QKI: variants seen among roughly 807,000 people sequenced by gnomAD.
QKI encodes KH domain-containing RNA-binding protein QKI.
A neutral mutation model predicts 39.0 loss-of-function variants in QKI; 10 were observed. That is an observed-to-expected ratio of 0.26 (90% CI 0.16 to 0.43). The LOEUF (loss-of-function observed/expected upper bound fraction) is 0.43. Ranked by LOEUF, QKI falls within the 20% of genes least tolerant of loss-of-function variation. The pLI is 1.00. For synonymous variants in QKI, 204 were observed against 155.4 expected (o/e 1.31, Z -2.33); for missense variants, 218 against 428.0 (o/e 0.51, Z 4.33).
rs566840499 is a variant in QKI at position 163,446,668 on chromosome 6, G to A, written c.143-8611G>A. Among the ~76,000 whole-genome samples the A allele has an allele frequency of 3.9e-5, 6 of 152,106 alleles. 1 individual carries two copies. Among genetic ancestry groups the A allele is most frequent in the Admixed American group, 1.3e-4 (2 of 15,276 alleles). On this transcript the variant is annotated intron_variant, in intron 1 of 7. Coordinates refer to ENST00000361752, the MANE Select transcript of QKI (RefSeq NM_006775.3). Reference sequence around the variant, plus strand: ...AAATAAATAATAGTTAAATATTAACGTGTAAAAGTAAACAGGTTTAAAAGT... The same window carrying A: ...AAATAAATAATAGTTAAATATTAACATGTAAAAGTAAACAGGTTTAAAAGT...
intron 1 of QKI, among the ~76,000 whole-genome samples, chr6:163,427,243 CT>C (rs11375326): frequency 0.073 from 6,264 of 85,562 alleles, 67 homozygotes; most frequent in African/African-American, 0.091. Flanking sequence ...ATACTCGTAC[CT>C]TTTTTTTTTT....
At chr6:163,464,239 C>T (rs1337862263) in intron 2 of QKI, among the ~76,000 whole-genome samples, 1 of 151,216 alleles carries the variant, frequency 6.6e-6, no homozygotes, top group African/African-American at 2.4e-5. Flanking sequence ...AGTGAAATTA[C>T]ATAGTGATTT....
At chr6:163,468,466 G>A (rs933766407) in intron 2 of QKI, among the ~76,000 whole-genome samples, 1 of 151,996 alleles carries the variant, frequency 6.6e-6, no homozygotes. Context: ...TCTTTAATTA[G>A]GGAATTTTAA....
intron 3 of QKI, among the ~76,000 whole-genome samples, chr6:163,508,318 G>C (rs1779221530): frequency 6.6e-6 from 1 of 152,002 alleles, no homozygotes; most frequent in South Asian, 2.1e-4. Flanking sequence ...ACACAAGGAA[G>C]ACTACACTGA....
At chr6:163,564,295 TAG>T in intron 6 of QKI, 1 of 1,000,286 alleles carries the variant, frequency 1.0e-6, no homozygotes, top group Non-Finnish European at 1.2e-6. Context: ...GTGTACATCA[TAG>T]AGTGTACTTA....
At chr6:163,510,160 G>C (rs1314761960) in intron 3 of QKI, among the ~76,000 whole-genome samples, 1 of 151,380 alleles carries the variant, frequency 6.6e-6, no homozygotes, top group Admixed American at 6.6e-5. Context: ...AGGTTGCAGT[G>C]AGCCAAGATC....
rs1221250274 is a variant in QKI at position 163,575,567 on chromosome 6, A to G, written c.*4857A>G. 6.6e-6 allele frequency: 1 copy of G among 152,184 alleles called. No homozygotes were observed. Among genetic ancestry groups the G allele is most frequent in the Admixed American group, 6.5e-5 (1 of 15,278 alleles). The allele number at this position is 152,184 out of a possible 1,614,324, so 9.4% of individuals were successfully genotyped here. On this transcript the variant is annotated 3_prime_UTR_variant, in exon 8 of 8. Transcript: ENST00000361752. Reference sequence around the variant, plus strand: ...TTTCCTTTAGGCAAAATGTCAGGGAAAACTTAACATGAAAGTAGTTACTCC... The same window carrying G: ...TTTCCTTTAGGCAAAATGTCAGGGAGAACTTAACATGAAAGTAGTTACTCC...
intron 1 of QKI, among the ~76,000 whole-genome samples, chr6:163,426,243 CTTTT>C (rs1301275880): frequency 1.4e-5 from 2 of 138,012 alleles, no homozygotes; most frequent in African/African-American, 2.7e-5. Context: ...AGAACCATCT[CTTTT>C]TTTTTTTTTT....
intron 1 of QKI, among the ~76,000 whole-genome samples, chr6:163,428,384 C>T (rs890009437): frequency 1.3e-5 from 2 of 151,932 alleles, no homozygotes; most frequent in Non-Finnish European, 2.9e-5. Flanking sequence ...CCTGTTTGTA[C>T]GTTTTCTTTG....
intron 3 of QKI, among the ~76,000 whole-genome samples, chr6:163,479,523 C>T (rs775456570): frequency 2.0e-5 from 3 of 152,082 alleles, no homozygotes; most frequent in Non-Finnish European, 2.9e-5. Context: ...AGGCGCACGC[C>T]GCCATGCCCA....
At chr6:163,472,737 G>A (rs1792295202) in intron 2 of QKI, among the ~76,000 whole-genome samples, 1 of 152,120 alleles carries the variant, frequency 6.6e-6, no homozygotes, top group Non-Finnish European at 1.5e-5. Context: ...GAAATTATAT[G>A]TTGAAATGAG....
chr6:163,534,210 C>G (rs1364771711), intron 3 of QKI, among the ~76,000 whole-genome samples: 1 of 152,124 alleles, frequency 6.6e-6, no homozygotes, highest in Non-Finnish European at 1.5e-5. Flanking sequence ...GGGGATATTT[C>G]TTACTAGAAG....
At chr6:163,567,062 G>T in intron 7 of QKI, 1 of 1,085,114 alleles carries the variant, frequency 9.2e-7, no homozygotes, top group Non-Finnish European at 1.1e-6. Flanking sequence ...AGTCAATTTG[G>T]GGAGCTATTA....
chr6:163,563,063 AT>A (rs941003106), intron 5 of QKI, among the ~76,000 whole-genome samples: 1 of 152,226 alleles, frequency 6.6e-6, no homozygotes, highest in African/African-American at 2.4e-5. Context: ...GTTACAAATT[AT>A]TTTTTAACAT....
chr6:163,435,795 T>C (rs1211253670), intron 1 of QKI, among the ~76,000 whole-genome samples: 1 of 152,198 alleles, frequency 6.6e-6, no homozygotes, highest in Non-Finnish European at 1.5e-5. Flanking sequence ...TGTGGGCTTA[T>C]AATTAACACT....
chr6:163,488,368 G>A (rs548963468), intron 3 of QKI, among the ~76,000 whole-genome samples: 1 of 152,132 alleles, frequency 6.6e-6, no homozygotes, highest in Non-Finnish European at 1.5e-5. Context: ...ATAGTGCAGA[G>A]ATTATAGTCT....
intron 4 of QKI, among the ~76,000 whole-genome samples, chr6:163,540,410 A>C (rs1781439437): frequency 6.6e-6 from 1 of 152,164 alleles, no homozygotes; most frequent in Non-Finnish European, 1.5e-5. Context: ...AATTTTGAAG[A>C]TTGTAATATT....
intron 1 of QKI, among the ~76,000 whole-genome samples, chr6:163,450,893 C>T (rs1180552549): frequency 6.6e-6 from 1 of 152,168 alleles, no homozygotes; most frequent in Non-Finnish European, 1.5e-5. Flanking sequence ...AAACTGGTGG[C>T]TCCAGAAGGA....
chr6:163,456,493 TA>T lies in QKI; in HGVS notation c.285+1073del, dbSNP rs1790926869. ...TATGAAAGCAGATGAAAAAAGGAGTTATTATAATATCAAAAATATGATGTGC... is the reference window on the plus strand; with the variant it reads ...TATGAAAGCAGATGAAAAAAGGAGTTTTATAATATCAAAAATATGATGTGC... On this transcript the variant is annotated intron_variant, in intron 2 of 7. Coordinates refer to ENST00000361752, the MANE Select transcript of QKI (RefSeq NM_006775.3). Among the ~76,000 whole-genome samples the T allele has an allele frequency of 2.6e-5, 4 of 152,298 alleles. No individual in the cohort carries two copies. The South Asian group carries it at 8.3e-4, about 32-fold the overall frequency.
Sources: allele counts gnomAD v4.1 joint callset (sites outside exome capture counted in the v4.1 genomes callset), GRCh38; gene constraint gnomAD v4.1.1; transcripts MANE v1.5; gene names NCBI Gene and HGNC (gene_info 2026-07-23, HGNC 2026-07-21).